Variants in NRG3 observed in about 807,000 individuals in gnomAD.
NRG3 encodes the protein neuregulin 3.
In NRG3, 31 loss-of-function variants were observed where a neutral mutation model predicts 66.9. The observed-to-expected ratio is 0.46, with a 90% CI of 0.35 to 0.63. The LOEUF (loss-of-function observed/expected upper bound fraction) is 0.63. Among genes scored for constraint, NRG3 ranks in the 20% least tolerant of loss-of-function variants. NRG3 has a pLI of 0.00. For synonymous variants in NRG3, 393 were observed against 359.4 expected (o/e 1.09, Z -1.06); for missense variants, 910 against 878.9 (o/e 1.04, Z -0.45).
At chr10:82,526,909 A>T (rs1846756882) in intron 2 of NRG3, among the ~76,000 whole-genome samples, 1 of 152,120 alleles carries the variant, frequency 6.6e-6, no homozygotes, top group South Asian at 2.1e-4. Flanking sequence ...AAATTTGATC[A>T]AGTGCTAGGT....
At chr10:81,911,612 T>G (rs1418504168) in intron 1 of NRG3, among the ~76,000 whole-genome samples, 6 of 139,188 alleles carry the variant, frequency 4.3e-5, no homozygotes, top group African/African-American at 1.5e-4. Flanking sequence ...TGTTTTTTTT[T>G]TTTTTTTTTT....
intron 3 of NRG3, among the ~76,000 whole-genome samples, chr10:82,802,892 C>A (rs2061108010): frequency 2.0e-5 from 3 of 152,112 alleles, no homozygotes; most frequent in African/African-American, 4.8e-5. Context: ...CCAGGCTGGT[C>A]TCAAAATCCT....
At chr10:82,973,520 T>C (rs2132586856) in intron 6 of NRG3, among the ~76,000 whole-genome samples, 1 of 152,306 alleles carries the variant, frequency 6.6e-6, no homozygotes, top group African/African-American at 2.4e-5. Flanking sequence ...TGGGTGTGCA[T>C]TAATTAAAAT....
chr10:82,617,721 G>A (rs904621557), intron 2 of NRG3, among the ~76,000 whole-genome samples: 2 of 152,130 alleles, frequency 1.3e-5, no homozygotes, highest in Non-Finnish European at 2.9e-5. Context: ...AGTCTCTTAA[G>A]TGTGGGGCCG....
At chr10:82,340,094 G>A (rs928648330) in intron 1 of NRG3, among the ~76,000 whole-genome samples, 1 of 152,054 alleles carries the variant, frequency 6.6e-6, no homozygotes, top group African/African-American at 2.4e-5. Flanking sequence ...TGTTTGCACC[G>A]TGATTTGCAG....
At chr10:82,240,301 T>A (rs2076951105) in intron 1 of NRG3, among the ~76,000 whole-genome samples, 1 of 152,180 alleles carries the variant, frequency 6.6e-6, no homozygotes, top group African/African-American at 2.4e-5. Context: ...TTATATGCAT[T>A]TGAATAAAAA....
intron 1 of NRG3, among the ~76,000 whole-genome samples, chr10:82,071,640 C>T (rs570075315): frequency 1.5e-3 from 230 of 152,146 alleles, no homozygotes; most frequent in Admixed American, 3.7e-3. Flanking sequence ...TGTGAGGATG[C>T]GGGCTTTTTA....
At chr10:82,026,722 C>A (rs1339042149) in intron 1 of NRG3, among the ~76,000 whole-genome samples, 1 of 151,762 alleles carries the variant, frequency 6.6e-6, no homozygotes, top group Non-Finnish European at 1.5e-5. Flanking sequence ...TTTTTGGAAA[C>A]CTTCTTATTT....
intron 1 of NRG3, among the ~76,000 whole-genome samples, chr10:82,302,660 T>C (rs936483899): frequency 7.9e-5 from 12 of 152,168 alleles, no homozygotes; most frequent in African/African-American, 2.9e-4. Flanking sequence ...TATTTAACAA[T>C]AAATTATTTA....
chr10:82,891,484 G>A (rs894295169), intron 4 of NRG3, among the ~76,000 whole-genome samples: 11 of 151,842 alleles, frequency 7.2e-5, no homozygotes, highest in African/African-American at 2.4e-4. Context: ...ATAGATTTCT[G>A]TCTAGAGGTC....
intron 2 of NRG3, among the ~76,000 whole-genome samples, chr10:82,581,752 G>A (rs568713388): frequency 6.6e-6 from 1 of 152,006 alleles, no homozygotes; most frequent in Non-Finnish European, 1.5e-5. Flanking sequence ...TGTGTTATGT[G>A]TATTTTACCA....
intron 2 of NRG3, among the ~76,000 whole-genome samples, chr10:82,497,587 A>ATG (rs147359186): frequency 2.7e-4 from 41 of 151,048 alleles, no homozygotes; most frequent in African/African-American, 6.3e-4. Context: ...GTGTGTGTGT[A>ATG]TGTGTGTGTG....
chr10:82,797,973 T>C (rs923144735), intron 3 of NRG3, among the ~76,000 whole-genome samples: 14 of 152,178 alleles, frequency 9.2e-5, no homozygotes, highest in Admixed American at 9.2e-4. Context: ...AAAATAATCA[T>C]GACTACATTA....
chr10:82,375,230 G>A (rs372675685), intron 2 of NRG3, among the ~76,000 whole-genome samples: 2 of 152,104 alleles, frequency 1.3e-5, no homozygotes, highest in Non-Finnish European at 2.9e-5. Context: ...TAACTCACCC[G>A]AGGCTTTAAA....
intron 1 of NRG3, among the ~76,000 whole-genome samples, chr10:81,927,526 G>C (rs1175349662): frequency 6.6e-6 from 1 of 152,036 alleles, no homozygotes; most frequent in Non-Finnish European, 1.5e-5. Context: ...TTAAGTTCAA[G>C]AACATTAAAA....
At chr10:82,283,955 C>T (rs113473723) in intron 1 of NRG3, among the ~76,000 whole-genome samples, 2,144 of 152,228 alleles carry the variant, frequency 0.014, 39 homozygotes, top group South Asian at 0.049. Flanking sequence ...CTGGTTTGCT[C>T]GTAGTTTGCT....
chr10:82,185,223 C>A (rs1382950899), intron 1 of NRG3, among the ~76,000 whole-genome samples: 3 of 152,050 alleles, frequency 2.0e-5, no homozygotes, highest in Non-Finnish European at 4.4e-5. Context: ...AAAAAAAATT[C>A]TCTTACTGAG....
intron 1 of NRG3, among the ~76,000 whole-genome samples, chr10:82,302,746 C>T (rs79934410): frequency 0.013 from 1,945 of 152,208 alleles, 18 homozygotes; most frequent in Non-Finnish European, 0.02. Context: ...GACAAGATTT[C>T]GAGTAACTTT....
intron 3 of NRG3, among the ~76,000 whole-genome samples, chr10:82,816,396 C>T (rs1188539917): frequency 6.6e-6 from 1 of 152,132 alleles, no homozygotes; most frequent in African/African-American, 2.4e-5. Flanking sequence ...GATGAGTGTC[C>T]AGCTCTCAGC....
Sources: allele counts gnomAD v4.1 joint callset (sites outside exome capture counted in the v4.1 genomes callset), GRCh38; gene constraint gnomAD v4.1.1; transcripts MANE v1.5; gene names NCBI Gene and HGNC (gene_info 2026-07-23, HGNC 2026-07-21).